LETM1: variants seen among roughly 807,000 people sequenced by gnomAD.
LETM1 encodes mitochondrial proton/calcium exchanger protein.
In LETM1, 50 loss-of-function variants were observed where a neutral mutation model predicts 74.5. The observed-to-expected ratio is 0.67, with a 90% CI of 0.53 to 0.85. LETM1 has a LOEUF of 0.85. Among genes scored for constraint, LETM1 ranks in the 40% least tolerant of loss-of-function variants. The probability of loss-of-function intolerance (pLI) is 0.00; values close to 1 mark genes in which losing one functional copy is unlikely to be tolerated. For synonymous variants in LETM1, 446 were observed against 407.1 expected (o/e 1.10, Z -1.15); for missense variants, 824 against 967.8 (o/e 0.85, Z 1.97).
chr4:1,836,223 T>TAAAG lies in LETM1; in HGVS notation c.738+205_738+206insCTTT, dbSNP rs1712458362. ...ACAGAGCGAGACCCTGTTTCAAAAA[T>TAAAG]AAATAAATAAATAAATAAATAACGA... On this transcript the variant is annotated intron_variant, in intron 4 of 13. Coordinates refer to ENST00000302787, the MANE Select transcript of LETM1 (RefSeq NM_012318.3). This position sits in a 1 kb window ranked among gnomAD's most constrained non-coding sequence, Gnocchi z 5.8. Among the ~76,000 whole-genome samples, 1 of 151,906 alleles carries TAAAG rather than the reference T, an allele frequency of 6.6e-6. No homozygotes were observed. Among genetic ancestry groups the TAAAG allele is most frequent in the Non-Finnish European group, 1.5e-5 (1 of 67,940 alleles).
intron 5 of LETM1, chr4:1,833,286 T>A (rs1712345532): frequency 3.2e-5 from 10 of 311,990 alleles, no homozygotes; most frequent in Non-Finnish European, 6.2e-5. Context: ...GCCAGGCTGG[T>A]CTCAAATACC....
chr4:1,853,554 C>T (rs1387322359), intron 1 of LETM1, among the ~76,000 whole-genome samples: 2 of 152,196 alleles, frequency 1.3e-5, no homozygotes. Flanking sequence ...TCCACCTGGG[C>T]AGTACTCCTC....
chr4:1,851,624 C>G (rs28612132), intron 1 of LETM1, among the ~76,000 whole-genome samples: 6,069 of 152,290 alleles, frequency 0.04, 418 homozygotes, highest in African/African-American at 0.14. Flanking sequence ...GCACAGCACA[C>G]GTGAGCATGC....
chr4:1,821,123 A>T (rs1005979621), intron 10 of LETM1, among the ~76,000 whole-genome samples: 43 of 141,056 alleles, frequency 3.0e-4, no homozygotes, highest in African/African-American at 9.3e-4. Flanking sequence ...AAAAAGTGAA[A>T]TTTTTTTTTT....
chr4:1,827,411 T>C (rs1339259153), intron 6 of LETM1, among the ~76,000 whole-genome samples: 6 of 122,492 alleles, frequency 4.9e-5, no homozygotes, highest in African/African-American at 1.9e-4. Context: ...AGGTCTCTGG[T>C]TTTCCTAGGC....
At position 1,836,295 on chromosome 4, in the gene LETM1, T is replaced by C. The variant is rs1452925439; in HGVS notation, c.738+134A>G. The stretch of plus-strand genomic sequence containing the variant: ...AACCCAGCATCCACTAAATAATTAT[T>C]GCACAGCACAAGGACAATATGAAGA... On this transcript the variant is annotated intron_variant, in intron 4 of 13. Coordinates refer to ENST00000302787, the MANE Select transcript of LETM1 (RefSeq NM_012318.3). This position sits in a 1 kb window ranked among gnomAD's most constrained non-coding sequence, Gnocchi z 5.8. 1.3e-6 allele frequency: 1 copy of C among 751,522 alleles called. No homozygotes were observed. 46.6% of individuals were successfully genotyped at this position (751,522 alleles called of 1,614,324 possible). A position where few individuals can be genotyped will look rare whatever the true frequency, so the allele number is the denominator to read the frequency against.
rs1364623398 is a variant in LETM1 at position 1,828,122 on chromosome 4, C to T, written c.1081-2439G>A. Among the ~76,000 whole-genome samples, 31 of 109,122 alleles carry T rather than the reference C, an allele frequency of 2.8e-4. No homozygotes were observed. The South Asian group carries it at 3.8e-3, about 13-fold the overall frequency. 71.6% of individuals were successfully genotyped at this position (109,122 alleles called of 152,430 possible). On this transcript the variant is annotated intron_variant, in intron 6 of 13. Transcript: ENST00000302787. ...CTGACACCCCCACCTCCCTCCCGGACGGGGCGGCTGGCCGGGCAGAGGGGC... is the reference window on the plus strand; with the variant it reads ...CTGACACCCCCACCTCCCTCCCGGATGGGGCGGCTGGCCGGGCAGAGGGGC...
At chr4:1,850,026 T>C (rs370801985) in intron 1 of LETM1, among the ~76,000 whole-genome samples, 1 of 152,174 alleles carries the variant, frequency 6.6e-6, no homozygotes, top group Non-Finnish European at 1.5e-5. Flanking sequence ...TGGTGGCACA[T>C]GCTTGTAAAC....
At chr4:1,823,879 T>A in intron 7 of LETM1, 104 bp from the exon 8 acceptor site, 1 of 1,292,688 alleles carries the variant, frequency 7.7e-7, no homozygotes, top group Non-Finnish European at 1.1e-6. Flanking sequence ...GAGAAGACAG[T>A]GTCTCAAGTT....
At chr4:1,835,562 T>C (rs1712437850) in intron 4 of LETM1, among the ~76,000 whole-genome samples, 1 of 152,206 alleles carries the variant, frequency 6.6e-6, no homozygotes, top group Non-Finnish European at 1.5e-5. Flanking sequence ...GGAAGGCGTC[T>C]GGCCTTCATG....
intron 12 of LETM1, 151 bp downstream of exon 12, chr4:1,816,576 G>T: frequency 2.9e-6 from 2 of 689,010 alleles, no homozygotes; most frequent in Non-Finnish European, 4.8e-6. Context: ...AGGGTTCCTG[G>T]CTGGGACTGC....
At chr4:1,842,815 T>C (rs1712749306) in intron 2 of LETM1, among the ~76,000 whole-genome samples, 1 of 152,198 alleles carries the variant, frequency 6.6e-6, no homozygotes, top group African/African-American at 2.4e-5. Context: ...CCAGAACCTA[T>C]GGTTTGTGTG....
chr4:1,812,198 C>CAA lies in LETM1; in HGVS notation c.*2224_*2225dup, dbSNP rs35144888. 0.043 allele frequency: 4,614 copies of CAA among 106,298 alleles called. 225 individuals carry two copies. The highest frequency in any genetic ancestry group is 0.071 in the Middle Eastern group (13 of 182). 6.6% of individuals were successfully genotyped at this position (106,298 alleles called of 1,614,324 possible). On this transcript the variant is annotated 3_prime_UTR_variant, in exon 14 of 14. Coordinates refer to ENST00000302787, the MANE Select transcript of LETM1 (RefSeq NM_012318.3). ...TGGGAGACAGAGCAAGACTCTGTCT[C>CAA]AAAAAAAAAAAAAAAAATTAGCTGG...
chr4:1,827,882 C>T (rs1253096533), intron 6 of LETM1, among the ~76,000 whole-genome samples: 2 of 151,276 alleles, frequency 1.3e-5, no homozygotes, highest in African/African-American at 2.4e-5. Context: ...GAGGCGCCCC[C>T]CCCACCTCCC....
intron 1 of LETM1, among the ~76,000 whole-genome samples, chr4:1,849,785 C>T (rs894897603): frequency 1.3e-5 from 2 of 152,124 alleles, no homozygotes; most frequent in Admixed American, 6.5e-5. Flanking sequence ...TGGCCTCGAG[C>T]GACCCTCCTG....
At chr4:1,841,090 C>T (rs924279350) in intron 3 of LETM1, among the ~76,000 whole-genome samples, 1 of 152,196 alleles carries the variant, frequency 6.6e-6, no homozygotes, top group African/African-American at 2.4e-5. Context: ...TGGCTCACAC[C>T]TGTAATCCCA....
At chr4:1,831,851 A>C (rs904851852) in intron 6 of LETM1, among the ~76,000 whole-genome samples, 5 of 152,212 alleles carry the variant, frequency 3.3e-5, no homozygotes, top group Admixed American at 3.3e-4. Context: ...AAACACTACA[A>C]ACAAAATCAG....
chr4:1,815,053 G>A (rs1223848285), intron 13 of LETM1, among the ~76,000 whole-genome samples: 10 of 152,194 alleles, frequency 6.6e-5, no homozygotes, highest in African/African-American at 1.2e-4. Flanking sequence ...TGCATGCACC[G>A]GGAGCCACGA....
intron 10 of LETM1, among the ~76,000 whole-genome samples, chr4:1,821,628 C>T (rs1388403842): frequency 6.6e-6 from 1 of 152,162 alleles, no homozygotes; most frequent in Non-Finnish European, 1.5e-5. Context: ...GCTGAGACTG[C>T]ACTGAGCCGA....
Sources: gnomAD v4.1 joint callset for allele counts (sites outside exome capture counted in the v4.1 genomes callset) on GRCh38, gnomAD v4.1.1 for gene constraint, Gnocchi (gnomAD v3.1) non-coding constraint, MANE v1.5 for transcripts, NCBI Gene and HGNC (gene_info 2026-07-23, HGNC 2026-07-21) for gene names.